The following KIF14 variants were observed in gnomAD, a reference collection of about 807,000 sequenced individuals.
KIF14 encodes the protein kinesin family member 14, also known as kinesin-like protein KIF14.
Under a neutral mutation model 176.2 loss-of-function variants are expected in KIF14, and 98 were observed. The observed-to-expected ratio is 0.56, with a 90% confidence interval of 0.47 to 0.66. KIF14 has a LOEUF of 0.66. Among genes scored for constraint, KIF14 ranks in the 30% least tolerant of loss-of-function variants. The probability of loss-of-function intolerance (pLI) is 0.00; values close to 1 mark genes in which losing one functional copy is unlikely to be tolerated. For synonymous variants in KIF14, 566 were observed against 632.2 expected (o/e 0.90, Z 1.57); for missense variants, 1,751 against 1,920.4 (o/e 0.91, Z 1.65).
chr1:200,555,652 T>G (rs1464492284), intron 27 of KIF14, among the ~76,000 whole-genome samples, 198 bp from the exon 28 acceptor site: 1 of 152,138 alleles, frequency 6.6e-6, no homozygotes, highest in African/African-American at 2.4e-5. Context: ...AAATTGCACA[T>G]TGACTTCTTT....
chr1:200,618,585 A>T lies in KIF14; in HGVS notation c.139T>A (p.Cys47Ser). 1.2e-6 allele frequency: 2 copies of T among 1,614,146 alleles called. No individual in the cohort carries two copies. The highest frequency in any genetic ancestry group is 1.7e-6 in the Non-Finnish European group (2 of 1,180,024). Residue 47 changes from cysteine (C) to serine (S), a missense_variant, in exon 2 of 30, where the codon TGT (cysteine) becomes AGT (serine). Coordinates refer to ENST00000367350, the MANE Select transcript of KIF14 (RefSeq NM_014875.3). ...CTCAATAATGGATCATCATTTTCAC[A>T]TTCTGACATATCCGACTTCAAATGC... is the stretch of plus-strand genomic sequence containing the variant. ...KLHLKSDMSE[C>S]ENDDPLLRSA...
intron 13 of KIF14, among the ~76,000 whole-genome samples, chr1:200,599,496 G>A (rs531368455): frequency 1.3e-5 from 2 of 152,114 alleles, no homozygotes; most frequent in Admixed American, 6.6e-5. Context: ...TTGGCCATGC[G>A]CAAGGAATTT....
intron 6 of KIF14, among the ~76,000 whole-genome samples, chr1:200,606,420 G>C (rs1659882151): frequency 6.6e-6 from 1 of 152,186 alleles, no homozygotes; most frequent in South Asian, 2.1e-4. Context: ...AGCAGGTTGA[G>C]AGGGAAGATT....
rs869174532 is a variant in KIF14, at chr1:200,573,427, C to CTTTTTTTTTTTTTTTTTTTTTTTTTTTTT, written c.3566+2163_3566+2164insAAAAAAAAAAAAAAAAAAAAAAAAAAAAA. ...TTCCCTACACTCAAGGAGCTCATTT[C>CTTTTTTTTTTTTTTTTTTTTTTTTTTTTT]TTTTTTTTTTTTTTTTTTTTTTTTG... On this transcript the variant is annotated intron_variant, in intron 22 of 29. Transcript: ENST00000367350. Among the ~76,000 whole-genome samples, 90 of 77,742 alleles carry CTTTTTTTTTTTTTTTTTTTTTTTTTTTTT rather than the reference C, an allele frequency of 1.2e-3. 12 individuals carry two copies. Among genetic ancestry groups the CTTTTTTTTTTTTTTTTTTTTTTTTTTTTT allele is most frequent in the Middle Eastern group, 8.6e-3 (1 of 116 alleles). The allele number at this position is 77,742 out of a possible 152,430, so 51.0% of individuals were successfully genotyped here.
In KIF14 at chr1:200,617,946, C is replaced by T. The variant is rs1558097027; in HGVS notation, c.778G>A (p.Gly260Arg). Residue 260 changes from glycine (G) to arginine (R), a missense_variant, in exon 2 of 30, where the codon GGG (glycine) becomes AGG (arginine). Transcript: ENST00000367350. ...GTGNLYHRSI[G>R]KEIAKTSNKF... ...TTTGAAGTTTTTGCAATTTCCTTCC[C>T]AATACTTCTATGATACAAGTTTCCT... is the stretch of plus-strand genomic sequence containing the variant. 6.2e-7 allele frequency: 1 copy of T among 1,613,908 alleles called. No individual in the cohort carries two copies. The highest frequency in any genetic ancestry group is 1.1e-5 in the South Asian group (1 of 91,060).
At chr1:200,561,903 C>T (rs1326110987) in intron 25 of KIF14, among the ~76,000 whole-genome samples, 1 of 152,000 alleles carries the variant, frequency 6.6e-6, no homozygotes, top group Non-Finnish European at 1.5e-5. Context: ...AAAAAGAAAT[C>T]GAGAGGGAGA....
In KIF14 at chr1:200,618,623, C is replaced by T; in HGVS notation, c.101G>A (p.Ser34Asn). ...SSSLNALTHS[S>N]RLKLHLKSDM... ...CGACTTCAAATGCAGCTTAAGTCGG[C>T]TACTGTGGGTGAGGGCATTCAGTGA... The change falls in exon 2 of 30, where the codon AGC becomes AAC. Residue 34 changes from serine to asparagine, a missense_variant. Coordinates refer to ENST00000367350, the MANE Select transcript of KIF14 (RefSeq NM_014875.3). The T allele has an allele frequency of 6.2e-7, 1 of 1,614,044 alleles. No individual in the cohort carries two copies. Among genetic ancestry groups the T allele is most frequent in the Non-Finnish European group, 8.5e-7 (1 of 1,180,016 alleles).
intron 18 of KIF14, among the ~76,000 whole-genome samples, chr1:200,586,773 G>GTA (rs1224307833): frequency 1.3e-4 from 13 of 103,740 alleles, no homozygotes; most frequent in South Asian, 9.6e-4. Context: ...AAAATATGGT[G>GTA]TATATATATA....
rs1553264036 is a variant in KIF14 at position 200,618,477 on chromosome 1, TA to T, written c.246del (p.Asn83IlefsTer3). The T allele has an allele frequency of 1.2e-6, 2 of 1,614,200 alleles. No individual in the cohort carries two copies. Among genetic ancestry groups the T allele is most frequent in the African/African-American group, 1.3e-5 (1 of 75,070 alleles). ...TGAAGTGCCAATCTACCTACAGGAT[TA>T]GGGGTAAGGGGCATGTCTGCTGTTT... Reference protein sequence around the residue: ...SRKTADMPLTPNPVGRLALQR... With the variant: ...SRKTADMPLTXNPVGRLALQR... On this transcript the variant is annotated frameshift_variant, in exon 2 of 30. Transcript: ENST00000367350. LOFTEE classifies it high-confidence loss of function.
chr1:200,592,959 A>T (rs1659129400), intron 15 of KIF14, among the ~76,000 whole-genome samples: 1 of 152,232 alleles, frequency 6.6e-6, no homozygotes, highest in Non-Finnish European at 1.5e-5. Context: ...TTATAATCTT[A>T]TGGGACCACT....
intron 11 of KIF14, among the ~76,000 whole-genome samples, chr1:200,600,820 AG>A (rs1659590000): frequency 6.6e-6 from 1 of 152,212 alleles, no homozygotes; most frequent in Non-Finnish European, 1.5e-5. Context: ...TAAAAAGTAA[AG>A]AAATAAAAGA....
At position 200,553,593 on chromosome 1, in the gene KIF14, CA is replaced by C. The variant is rs769785010; in HGVS notation, c.4741del (p.Cys1581ValfsTer11). 4.3e-6 allele frequency: 7 copies of C among 1,613,892 alleles called. No homozygotes were observed. The highest frequency in any genetic ancestry group is 5.1e-6 in the Non-Finnish European group (6 of 1,180,006). ...ATCAGGGCTTTCTTCAGATTCAAAA[CA>C]AAAGAGGAGAGACTTAGCTAGAGAT... ...LESLAKSLLF[C>X]FESEESPDLL... On this transcript the variant is annotated frameshift_variant, in exon 30 of 30. Transcript: ENST00000367350. LOFTEE classifies it low-confidence loss of function (END_TRUNC).
At chr1:200,599,234 T>A (rs1659511866) in intron 13 of KIF14, among the ~76,000 whole-genome samples, 1 of 152,198 alleles carries the variant, frequency 6.6e-6, no homozygotes, top group East Asian at 1.9e-4. Flanking sequence ...CTTAATTTCC[T>A]TGGCCTGGAA....
intron 22 of KIF14, among the ~76,000 whole-genome samples, chr1:200,572,669 T>C (rs1379619855): frequency 6.6e-6 from 1 of 152,212 alleles, no homozygotes; most frequent in African/African-American, 2.4e-5. Context: ...TTAATGCTCA[T>C]TATTAATGGT....
At chr1:200,554,430 TAA>T (rs1656724845) in intron 29 of KIF14, 36 bp downstream of exon 29, 1 of 1,348,734 alleles carries the variant, frequency 7.4e-7, no homozygotes. Context: ...CCTTAAAATA[TAA>T]AATTCTGATT....
In KIF14 at chr1:200,600,081, T is replaced by G. The variant is rs1264947316; in HGVS notation, c.2333A>C (p.Lys778Thr). The G allele has an allele frequency of 4.4e-6, 7 of 1,600,088 alleles. No homozygotes were observed. Among genetic ancestry groups the G allele is most frequent in the Middle Eastern group, 1.7e-4 (1 of 6,036 alleles). ...CTCTTTTGTTTCTTGAAGTTTTCTT[T>G]TTTCAGCTTGTTCAAACTTTTCTTT... is the stretch of plus-strand genomic sequence containing the variant. Reference protein sequence around the residue: ...VWKEKFEQAEKRKLQETKELQ... With the variant: ...VWKEKFEQAETRKLQETKELQ... Residue 778 changes from lysine (K) to threonine (T), a missense_variant, in exon 13 of 30, where the codon AAA (lysine) becomes ACA (threonine). Lys to Thr is a moderately conservative substitution (Grantham distance 78). Transcript: ENST00000367350.
At chr1:200,572,145 T>C (rs1384920962) in intron 22 of KIF14, among the ~76,000 whole-genome samples, 1 of 152,210 alleles carries the variant, frequency 6.6e-6, no homozygotes. Context: ...TAAGAGCAAT[T>C]CATTTTTTAA....
At chr1:200,564,731 A>G (rs1657349293) in intron 25 of KIF14, among the ~76,000 whole-genome samples, 1 of 152,174 alleles carries the variant, frequency 6.6e-6, no homozygotes, top group Non-Finnish European at 1.5e-5. Flanking sequence ...CAACTCAGTC[A>G]TTTACTAGTT....
At chr1:200,565,357 A>G in intron 24 of KIF14, 88 bp downstream of exon 24, 1 of 1,401,162 alleles carries the variant, frequency 7.1e-7, no homozygotes, top group Non-Finnish European at 9.7e-7. Context: ...GATGCATGCC[A>G]GATGTGCCAA....
Sources: gnomAD v4.1 joint callset for allele counts (sites outside exome capture counted in the v4.1 genomes callset) on GRCh38, gnomAD v4.1.1 for gene constraint, MANE v1.5 for transcripts, NCBI Gene and HGNC (gene_info 2026-07-23, HGNC 2026-07-21) for gene names.